The following COL4A2 variants were observed in gnomAD, a reference collection of about 807,000 sequenced individuals.
COL4A2 encodes collagen alpha-2(IV) chain.
A neutral mutation model predicts 200.2 loss-of-function variants in COL4A2; 99 were observed. The observed-to-expected ratio is 0.49, with a 90% CI of 0.42 to 0.58. The LOEUF (loss-of-function observed/expected upper bound fraction) is 0.58. Among genes scored for constraint, COL4A2 ranks in the 20% least tolerant of loss-of-function variants. The probability of loss-of-function intolerance (pLI) is 0.00; values close to 1 mark genes in which losing one functional copy is unlikely to be tolerated. For synonymous variants in COL4A2, 897 were observed against 900.6 expected (o/e 1.00, Z 0.07); for missense variants, 1,950 against 2,314.1 (o/e 0.84, Z 3.23).
chr13:110,458,894 A>G lies in COL4A2; in HGVS notation c.1556A>G (p.Asp519Gly). 1 of 1,595,978 alleles carries G rather than the reference A, an allele frequency of 6.3e-7. No individual in the cohort carries two copies. ...CCGGGGAGGAAAGGGGACAGAGGAG[A>G]CCCCGGCCAACACGGCCTCCCTGGG... ...GEPGRKGDRG[D>G]PGQHGLPGFP... The change falls in exon 22 of 48, where the codon GAC (aspartate) becomes GGC (glycine). Residue 519 changes from aspartate (D) to glycine (G), a missense_variant. Asp to Gly is a moderately conservative substitution (Grantham distance 94). Around this residue, in one of 2 missense-constraint regions of COL4A2, gnomAD observed 1,385 missense variants for 1,720.5 expected, o/e 0.80. Coordinates refer to ENST00000360467, the MANE Select transcript of COL4A2 (RefSeq NM_001846.4).
In COL4A2 at chr13:110,442,707, T is replaced by C. The variant is rs547570272; in HGVS notation, c.957+2874T>C. Reference sequence around the variant, plus strand: ...GAATGGAGACGTAGCATTTATGAATTTGGTTATATTCAATTTTCTGATAAA... The same window carrying C: ...GAATGGAGACGTAGCATTTATGAATCTGGTTATATTCAATTTTCTGATAAA... On this transcript the variant is annotated intron_variant, in intron 16 of 47. Transcript: ENST00000360467. 6.2e-5 allele frequency among the ~76,000 whole-genome samples: 9 copies of C among 146,008 alleles called. No homozygotes were observed. In the East Asian group the frequency reaches 1.6e-3, roughly 26 times the overall value.
rs10686508 is a variant in COL4A2 at position 110,452,120 on chromosome 13, T to TTTTGTTTGTTTG, written c.1339+1686_1339+1697dup. On this transcript the variant is annotated intron_variant, in intron 20 of 47. Coordinates refer to ENST00000360467, the MANE Select transcript of COL4A2 (RefSeq NM_001846.4). Reference sequence around the variant, plus strand: ...TTTCAGTAACAGGTCAAAGTCTCTGTTTTGTTTGTTTGTTTGTTTGTTTGT... The same window carrying TTTTGTTTGTTTG: ...TTTCAGTAACAGGTCAAAGTCTCTGTTTTGTTTGTTTGTTTGTTTGTTTGTTTGTTTGTTTGT... 5.5e-3 allele frequency among the ~76,000 whole-genome samples: 831 copies of TTTTGTTTGTTTG among 151,394 alleles called. 5 individuals are homozygous for TTTTGTTTGTTTG. The highest frequency in any genetic ancestry group is 0.015 in the African/African-American group (602 of 41,230).
intron 4 of COL4A2, among the ~76,000 whole-genome samples, chr13:110,409,462 G>A (rs563425560): frequency 1.3e-5 from 2 of 152,366 alleles, no homozygotes; most frequent in East Asian, 3.8e-4. Flanking sequence ...CGCTGCTGCC[G>A]CTACACCTTT....
rs925486819 is a variant in COL4A2 at position 110,503,206 on chromosome 13, C to A, written c.3963C>A (p.Thr1321=). 1.9e-6 allele frequency: 3 copies of A among 1,613,848 alleles called. No homozygotes were observed. In the African/African-American group the frequency reaches 4.0e-5, roughly 22 times the overall value. ...CAGGGAACCCAGGAGCTCCAGGAAC[C>A]CCAGGGACCAAAGGATGGGCCGGGG... is the stretch of plus-strand genomic sequence containing the variant. ...GDTGNPGAPG[T]PGTKGWAGDS... The change falls in exon 42 of 48, where the codon ACC becomes ACA. Residue 1321 remains threonine (T), a synonymous_variant. Coordinates refer to ENST00000360467, the MANE Select transcript of COL4A2 (RefSeq NM_001846.4).
intron 4 of COL4A2, among the ~76,000 whole-genome samples, chr13:110,376,926 A>G (rs773970523): frequency 6.6e-6 from 1 of 152,206 alleles, no homozygotes; most frequent in African/African-American, 2.4e-5. Context: ...CCTAGAAGAC[A>G]TATCCTAAAA....
intron 4 of COL4A2, among the ~76,000 whole-genome samples, chr13:110,396,382 A>T (rs368437210): frequency 6.6e-6 from 1 of 152,344 alleles, no homozygotes; most frequent in South Asian, 2.1e-4. Flanking sequence ...GATGGTTCCC[A>T]TGCAGGCTTG....
chr13:110,357,604 C>T, intron 4 of COL4A2, 52 bp downstream of exon 4: 1 of 1,549,492 alleles, frequency 6.5e-7, no homozygotes, highest in Non-Finnish European at 8.7e-7. Flanking sequence ...ACAGTCATGC[C>T]TCGCTTAACA....
intron 39 of COL4A2, 46 bp from the exon 40 acceptor site, chr13:110,495,296 A>G (rs1237168085): frequency 5.6e-6 from 9 of 1,612,912 alleles, no homozygotes; most frequent in East Asian, 2.2e-5. Context: ...AGTCAACTGT[A>G]TGGTTGGAAA....
intron 4 of COL4A2, among the ~76,000 whole-genome samples, chr13:110,419,529 G>A (rs370316134): frequency 2.3e-4 from 35 of 152,192 alleles, no homozygotes; most frequent in African/African-American, 7.0e-4. Context: ...GCTACACTGC[G>A]TGTGCCCGTA....
intron 47 of COL4A2, among the ~76,000 whole-genome samples, chr13:110,510,704 T>G (rs1884056015): frequency 6.6e-6 from 1 of 152,250 alleles, no homozygotes; most frequent in Non-Finnish European, 1.5e-5. Flanking sequence ...TGCATGTGTG[T>G]GTGCGCAGCA....
chr13:110,422,122 C>A (rs1320001309), intron 4 of COL4A2, among the ~76,000 whole-genome samples: 1 of 152,142 alleles, frequency 6.6e-6, no homozygotes, highest in African/African-American at 2.4e-5. Flanking sequence ...AACATTTTAT[C>A]CCCCAGAAGA....
At chr13:110,462,003 G>T (rs147401153) in intron 22 of COL4A2, 111 bp from the exon 23 acceptor site, 93 of 1,501,386 alleles carry the variant, frequency 6.2e-5, no homozygotes, top group Middle Eastern at 2.1e-4. Flanking sequence ...GCTCGGTTTG[G>T]TGACGGGTGA....
chr13:110,483,722 G>A (rs1230163617), intron 32 of COL4A2, among the ~76,000 whole-genome samples: 4 of 132,182 alleles, frequency 3.0e-5, no homozygotes, highest in Non-Finnish European at 4.5e-5. Flanking sequence ...CCAAAAGGCC[G>A]AGAAGCGATG....
At chr13:110,317,388 G>A (rs1202569418) in intron 3 of COL4A2, among the ~76,000 whole-genome samples, 1 of 152,060 alleles carries the variant, frequency 6.6e-6, no homozygotes, top group Non-Finnish European at 1.5e-5. Flanking sequence ...ACATGCTCAT[G>A]CGTGTACACA....
At chr13:110,367,690 T>A (rs974493970) in intron 4 of COL4A2, among the ~76,000 whole-genome samples, 1 of 152,244 alleles carries the variant, frequency 6.6e-6, no homozygotes, top group African/African-American at 2.4e-5. Flanking sequence ...CCGTGGCCTT[T>A]GAGGACTGAT....
intron 3 of COL4A2, among the ~76,000 whole-genome samples, chr13:110,353,544 C>T (rs760257348): frequency 2.9e-4 from 44 of 152,144 alleles, no homozygotes; most frequent in Non-Finnish European, 4.6e-4. Context: ...ATTTGTGTCT[C>T]GAGACTGTTT....
chr13:110,492,730 C>T (rs773059317), intron 38 of COL4A2, among the ~76,000 whole-genome samples: 14 of 152,188 alleles, frequency 9.2e-5, no homozygotes, highest in Non-Finnish European at 1.5e-4. Flanking sequence ...AGTGGCGAGG[C>T]GTCAAGAAGA....
At chr13:110,510,636 A>G (rs563619747) in intron 47 of COL4A2, among the ~76,000 whole-genome samples, 16 of 149,840 alleles carry the variant, frequency 1.1e-4, no homozygotes, top group Middle Eastern at 3.4e-3. Flanking sequence ...GTGTGTGTAC[A>G]TGCGTGCATT....
Position 110,309,681 on chromosome 13 carries a change from C to T in COL4A2, c.99+1558C>T, listed in dbSNP as rs562232559. On this transcript the variant is annotated intron_variant, in intron 3 of 47. Transcript: ENST00000360467. ...AAATTGGTAGAAAGACCACCAAGCA[C>T]CTAGGTCTAAAGATCTAGGTATTAG... Among the ~76,000 whole-genome samples the T allele has an allele frequency of 7.9e-5, 12 of 152,284 alleles. No individual in the cohort carries two copies. In the South Asian group the frequency reaches 2.5e-3, roughly 32 times the overall value.
Sources: gnomAD v4.1 joint callset for allele counts (sites outside exome capture counted in the v4.1 genomes callset) on GRCh38, gnomAD v4.1.1 for gene constraint, gnomAD v4.1.1 regional missense constraint, MANE v1.5 for transcripts, NCBI Gene and HGNC (gene_info 2026-07-23, HGNC 2026-07-21) for gene names.